Variants in RBFOX1 observed in about 807,000 individuals in gnomAD.
RBFOX1 encodes RNA binding fox-1 homolog 1.
A neutral mutation model predicts 57.7 loss-of-function variants in RBFOX1; 8 were observed. The ratio of observed to expected loss-of-function variants is 0.14; its 90% CI spans 0.08 to 0.25. The LOEUF is 0.25. Among genes scored for constraint, RBFOX1 ranks in the 10% least tolerant of loss-of-function variants. The probability of loss-of-function intolerance (pLI) is 1.00; values close to 1 mark genes in which losing one functional copy is unlikely to be tolerated. For missense variants in RBFOX1, 611 were observed against 548.5 expected (o/e 1.11, Z -1.14); for synonymous variants, 326 against 222.4 (o/e 1.47, Z -4.15).
At chr16:6,695,833 T>G (rs1377052432) in intron 3 of RBFOX1, among the ~76,000 whole-genome samples, 1 of 152,234 alleles carries the variant, frequency 6.6e-6, no homozygotes, top group East Asian at 1.9e-4. Context: ...TTGGTTTTGT[T>G]TTCCCTGCTG....
chr16:7,211,625 G>C (rs922946813), intron 4 of RBFOX1, among the ~76,000 whole-genome samples: 3 of 152,254 alleles, frequency 2.0e-5, no homozygotes, highest in Non-Finnish European at 2.9e-5. Context: ...CACCTAGTAA[G>C]CAAGGGTAAT....
intron 1 of RBFOX1, among the ~76,000 whole-genome samples, chr16:6,050,113 G>A (rs1393623577): frequency 2.6e-5 from 4 of 151,882 alleles, no homozygotes; most frequent in Non-Finnish European, 5.9e-5. Context: ...TGTATGCCAC[G>A]ACGCCTGACT....
At chr16:5,426,528 AG>A (rs1305627069) in intron 1 of RBFOX1, among the ~76,000 whole-genome samples, 1 of 152,190 alleles carries the variant, frequency 6.6e-6, no homozygotes, top group African/African-American at 2.4e-5. Flanking sequence ...GCTTCTCTCC[AG>A]GGATGCCACA....
intron 2 of RBFOX1, among the ~76,000 whole-genome samples, chr16:6,448,340 A>G (rs995078151): frequency 2.0e-5 from 3 of 150,924 alleles, no homozygotes; most frequent in Non-Finnish European, 4.4e-5. Flanking sequence ...TTTTATTTTA[A>G]TAGAGGCGGG....
At chr16:5,602,457 C>G (rs1376656890), downstream of RBFOX1, among the ~76,000 whole-genome samples, 1 of 152,118 alleles carries the variant, frequency 6.6e-6, no homozygotes, top group Non-Finnish European at 1.5e-5. Context: ...CCATAAAGTC[C>G]AATTCCAAGC....
chr16:5,329,218 G>T (rs1361267579), intron 1 of RBFOX1, among the ~76,000 whole-genome samples: 1 of 152,090 alleles, frequency 6.6e-6, no homozygotes, highest in Non-Finnish European at 1.5e-5. Context: ...CCTGACACTG[G>T]GTAATTTATT....
intron 2 of RBFOX1, among the ~76,000 whole-genome samples, chr16:6,337,957 A>G (rs1028460719): frequency 6.6e-6 from 1 of 152,142 alleles, no homozygotes; most frequent in African/African-American, 2.4e-5. Flanking sequence ...AGTGGATGGC[A>G]TTTTCACAAA....
intron 4 of RBFOX1, among the ~76,000 whole-genome samples, chr16:7,269,954 G>A (rs1179701709): frequency 6.6e-6 from 1 of 152,182 alleles, no homozygotes; most frequent in Non-Finnish European, 1.5e-5. Flanking sequence ...TAATTTGATA[G>A]GTAAAAATTG....
At chr16:6,902,802 A>C (rs1023997676) in intron 3 of RBFOX1, among the ~76,000 whole-genome samples, 3 of 152,166 alleles carry the variant, frequency 2.0e-5, no homozygotes, top group African/African-American at 7.2e-5. Flanking sequence ...AACCAAATAA[A>C]GCTTTAACAT....
intron 1 of RBFOX1, among the ~76,000 whole-genome samples, chr16:6,082,756 G>A (rs2096023064): frequency 6.6e-6 from 1 of 152,088 alleles, no homozygotes; most frequent in Non-Finnish European, 1.5e-5. Context: ...CTAGGGCTGA[G>A]GCAGGAAGAG....
chr16:7,489,647 C>A (rs2066409318), intron 4 of RBFOX1, among the ~76,000 whole-genome samples: 1 of 151,946 alleles, frequency 6.6e-6, no homozygotes, highest in African/African-American at 2.4e-5. Flanking sequence ...TCCCGAGTAG[C>A]TGGGATTACA....
intron 3 of RBFOX1, among the ~76,000 whole-genome samples, chr16:5,768,629 A>G (rs1234097399): frequency 6.6e-6 from 1 of 152,164 alleles, no homozygotes; most frequent in Non-Finnish European, 1.5e-5. Flanking sequence ...CATAGCCAAA[A>G]TCTGCTCTTC....
chr16:6,819,314 T>A (rs1335898308), intron 3 of RBFOX1, among the ~76,000 whole-genome samples: 6 of 152,172 alleles, frequency 3.9e-5, no homozygotes, highest in Admixed American at 3.9e-4. Flanking sequence ...TCACTTAGGT[T>A]TGAATTATTG....
intron 3 of RBFOX1, among the ~76,000 whole-genome samples, chr16:6,870,480 A>T (rs528101440): frequency 4.2e-4 from 64 of 152,328 alleles, no homozygotes; most frequent in African/African-American, 1.4e-3. Flanking sequence ...CTTCACAACA[A>T]GGATTTAAGA....
At chr16:6,830,618 C>T (rs541079199) in intron 3 of RBFOX1, among the ~76,000 whole-genome samples, 2 of 152,136 alleles carry the variant, frequency 1.3e-5, no homozygotes, top group South Asian at 2.1e-4. Flanking sequence ...GCCAAGGGTT[C>T]TGCTAAACAT....
intron 4 of RBFOX1, among the ~76,000 whole-genome samples, chr16:7,438,360 C>G (rs541848877): frequency 6.6e-6 from 1 of 152,006 alleles, no homozygotes; most frequent in Non-Finnish European, 1.5e-5. Context: ...TTTGGGTCCT[C>G]TGGGGCCACG....
Position 6,648,964 on chromosome 16 carries a change from G to C in RBFOX1, c.-63-5639G>C, listed in dbSNP as rs868534302. Among the ~76,000 whole-genome samples the C allele has an allele frequency of 7.2e-5, 11 of 152,200 alleles. No homozygotes were observed. The Middle Eastern group carries it at 0.01, about 141-fold the overall frequency. On this transcript the variant is annotated intron_variant, in intron 2 of 15. Coordinates refer to ENST00000550418, the MANE Select transcript of RBFOX1 (RefSeq NM_018723.4). ...TCACAACGTCATTTTTTTGTGGTTA[G>C]AACACATAACATCTACTTTCTTAGC...
intron 3 of RBFOX1, among the ~76,000 whole-genome samples, chr16:6,834,223 G>C (rs775863289): frequency 8.6e-5 from 13 of 151,864 alleles, no homozygotes; most frequent in Non-Finnish European, 1.5e-4. Flanking sequence ...ACAGGTGCCC[G>C]CTAGCACGCC....
chr16:5,383,460 C>T (rs900248169), intron 1 of RBFOX1, among the ~76,000 whole-genome samples: 5 of 152,138 alleles, frequency 3.3e-5, no homozygotes, highest in African/African-American at 1.2e-4. Flanking sequence ...GGTTAGTTGG[C>T]ACTGTTAAGC....
Sources: allele counts gnomAD v4.1 joint callset (sites outside exome capture counted in the v4.1 genomes callset), GRCh38; gene constraint gnomAD v4.1.1; transcripts MANE v1.5; gene names NCBI Gene and HGNC (gene_info 2026-07-23, HGNC 2026-07-21).